NUBPL: variants seen among roughly 807,000 people sequenced by gnomAD.
NUBPL encodes the protein NUBP iron-sulfur cluster assembly factor, mitochondrial.
In NUBPL, 31 loss-of-function variants were observed where a neutral mutation model predicts 45.7. The observed-to-expected ratio is 0.68, with a 90% CI of 0.51 to 0.92. The LOEUF is 0.92. Ranked by LOEUF, NUBPL falls within the 40% of genes least tolerant of loss-of-function variation. NUBPL has a pLI of 0.00. For missense variants in NUBPL, 401 were observed against 398.7 expected, an observed-to-expected ratio of 1.01 and a Z score of -0.05; for synonymous variants, 144 against 140.9, an observed-to-expected ratio of 1.02 and a Z score of -0.15.
intron 6 of NUBPL, among the ~76,000 whole-genome samples, chr14:31,693,352 C>T (rs2037134508): frequency 6.6e-6 from 1 of 152,124 alleles, no homozygotes; most frequent in African/African-American, 2.4e-5. Flanking sequence ...TCTTTGTAGT[C>T]ATTCATAGTT....
intron 6 of NUBPL, among the ~76,000 whole-genome samples, chr14:31,761,891 T>C (rs1015778746): frequency 1.3e-5 from 2 of 152,332 alleles, no homozygotes; most frequent in Non-Finnish European, 2.9e-5. Context: ...GCATGGATTA[T>C]GAGTGTACAT....
chr14:31,756,259 G>A (rs1038005965), intron 6 of NUBPL, among the ~76,000 whole-genome samples: 11 of 152,076 alleles, frequency 7.2e-5, no homozygotes, highest in East Asian at 1.9e-4. Context: ...AGCTTGATGA[G>A]GATGGCATTG....
intron 4 of NUBPL, among the ~76,000 whole-genome samples, chr14:31,601,999 A>G (rs1236526039): frequency 6.6e-6 from 1 of 152,234 alleles, no homozygotes; most frequent in African/African-American, 2.4e-5. Context: ...CAGATGTCCA[A>G]CAATGATAGA....
chr14:31,691,348 AAC>A (rs1419608286), intron 6 of NUBPL, among the ~76,000 whole-genome samples: 1 of 152,242 alleles, frequency 6.6e-6, no homozygotes. Context: ...AATATACTAT[AAC>A]ACAAAATATG....
At chr14:31,593,846 C>T (rs1042449558) in intron 3 of NUBPL, among the ~76,000 whole-genome samples, 1 of 152,074 alleles carries the variant, frequency 6.6e-6, no homozygotes, top group Non-Finnish European at 1.5e-5. Flanking sequence ...ACTCCTAAGT[C>T]TGGAGTGTTC....
intron 4 of NUBPL, among the ~76,000 whole-genome samples, chr14:31,613,752 G>A (rs1014875116): frequency 2.0e-5 from 3 of 151,818 alleles, no homozygotes; most frequent in East Asian, 1.9e-4. Context: ...CACTGCGCCC[G>A]GCCTAATTGG....
At chr14:31,813,987 A>G (rs770838180) in intron 7 of NUBPL, among the ~76,000 whole-genome samples, 42 of 152,326 alleles carry the variant, frequency 2.8e-4, no homozygotes, top group South Asian at 4.1e-4. Flanking sequence ...CAGTGCTGCA[A>G]TAAGCATACG....
chr14:31,800,153 T>G (rs1360187721), intron 7 of NUBPL, among the ~76,000 whole-genome samples: 1 of 152,200 alleles, frequency 6.6e-6, no homozygotes, highest in East Asian at 1.9e-4. Flanking sequence ...AGATCCCACT[T>G]CTAATTCTAA....
At chr14:31,628,079 A>G (rs528845147) in intron 4 of NUBPL, among the ~76,000 whole-genome samples, 2 of 152,352 alleles carry the variant, frequency 1.3e-5, no homozygotes, top group East Asian at 1.9e-4. Flanking sequence ...GCTGAAGCAT[A>G]TGAAGAAAAT....
At chr14:31,736,241 A>C (rs919592415) in intron 6 of NUBPL, among the ~76,000 whole-genome samples, 2 of 152,202 alleles carry the variant, frequency 1.3e-5, no homozygotes, top group Non-Finnish European at 2.9e-5. Context: ...ACCCTAACTT[A>C]AGAAAACACT....
At chr14:31,789,056 G>A (rs1367395026) in intron 7 of NUBPL, among the ~76,000 whole-genome samples, 2 of 152,218 alleles carry the variant, frequency 1.3e-5, no homozygotes, top group African/African-American at 4.8e-5. Flanking sequence ...GCTGAGTGCA[G>A]TGGCTCACGC....
chr14:31,656,173 A>C (rs1042381735), intron 4 of NUBPL, among the ~76,000 whole-genome samples: 4 of 152,108 alleles, frequency 2.6e-5, no homozygotes, highest in Non-Finnish European at 4.4e-5. Context: ...TCTCAGCTTT[A>C]ATAGAATTGA....
At chr14:31,711,982 G>T (rs1479433761) in intron 6 of NUBPL, among the ~76,000 whole-genome samples, 1 of 152,196 alleles carries the variant, frequency 6.6e-6, no homozygotes, top group Non-Finnish European at 1.5e-5. Context: ...GAGTGTTAGA[G>T]CTCGTAAAGG....
chr14:31,757,901 T>G (rs771115120), intron 6 of NUBPL, among the ~76,000 whole-genome samples: 1 of 152,104 alleles, frequency 6.6e-6, no homozygotes, highest in Non-Finnish European at 1.5e-5. Flanking sequence ...TTTCTTCCCT[T>G]TTTTTCAGAT....
intron 7 of NUBPL, among the ~76,000 whole-genome samples, chr14:31,804,304 A>C (rs188092870): frequency 6.6e-6 from 1 of 152,338 alleles, no homozygotes; most frequent in East Asian, 1.9e-4. Context: ...AGTGGGGAGT[A>C]GAAGTAATAG....
intron 7 of NUBPL, among the ~76,000 whole-genome samples, chr14:31,793,832 TTTTTTTTTA>T (rs1382266491): frequency 3.1e-5 from 4 of 129,786 alleles, no homozygotes; most frequent in African/African-American, 1.3e-4. Flanking sequence ...ATCTTTCTTT[TTTTTTTTTA>T]TTTTTTTTTT....
At chr14:31,768,460 C>G (rs2038952133) in intron 6 of NUBPL, among the ~76,000 whole-genome samples, 1 of 152,194 alleles carries the variant, frequency 6.6e-6, no homozygotes, top group Admixed American at 6.5e-5. Flanking sequence ...TAAAGTGCAG[C>G]ATTGTTTGGA....
intron 10 of NUBPL, among the ~76,000 whole-genome samples, chr14:31,853,968 A>G (rs1398069550): frequency 6.6e-6 from 1 of 152,198 alleles, no homozygotes; most frequent in Non-Finnish European, 1.5e-5. Flanking sequence ...AGCTGATAAC[A>G]TTGTGGTTTT....
At position 31,736,962 on chromosome 14, in the gene NUBPL, A is replaced by G. The variant is rs192639893; in HGVS notation, c.514-50818A>G. ...AGTACTGCTTATTGTCTACTTGGAT[A>G]TCCATCTTTGTGAAATGGTGGTTCA... is the stretch of plus-strand genomic sequence containing the variant. On this transcript the variant is annotated intron_variant, in intron 6 of 10. Transcript: ENST00000281081. 2.3e-3 allele frequency among the ~76,000 whole-genome samples: 352 copies of G among 152,300 alleles called. 1 individual carries two copies. Among genetic ancestry groups the G allele is most frequent in the African/African-American group, 8.1e-3 (336 of 41,566 alleles).
Sources: allele counts gnomAD v4.1 joint callset (sites outside exome capture counted in the v4.1 genomes callset), GRCh38; gene constraint gnomAD v4.1.1; transcripts MANE v1.5; gene names NCBI Gene and HGNC (gene_info 2026-07-23, HGNC 2026-07-21).